PCDHA4: variants seen among roughly 807,000 people sequenced by gnomAD.
The protein encoded by PCDHA4 is protocadherin alpha-4.
A neutral mutation model predicts 61.4 loss-of-function variants in PCDHA4; 49 were observed. That is an observed-to-expected ratio of 0.80 (90% confidence interval 0.63 to 1.01). The LOEUF is 1.01. PCDHA4 is among the 50% of genes least tolerant of loss of function. The probability of loss-of-function intolerance (pLI) is 0.00; values close to 1 mark genes in which losing one functional copy is unlikely to be tolerated. For synonymous variants in PCDHA4, 590 were observed against 550.3 expected (o/e 1.07, Z -1.01); for missense variants, 1,254 against 1,235.8 (o/e 1.01, Z -0.22).
At chr5:140,835,927 G>T (rs2150248499) in intron 1 of PCDHA4, 3 of 1,612,438 alleles carry the variant, frequency 1.9e-6, no homozygotes, top group African/African-American at 1.3e-5. Context: ...GCGGAGAGCG[G>T]CAAGGTGTAC....
rs79336587 is a variant in PCDHA4 at position 140,997,550 on chromosome 5, C to T, written c.2534-12077C>T. Reference sequence around the variant, plus strand: ...ATAAAAATACATTATTATAATCTTACAGGACAACTGTCATATGTGTGGTCC... The same window carrying T: ...ATAAAAATACATTATTATAATCTTATAGGACAACTGTCATATGTGTGGTCC... On this transcript the variant is annotated intron_variant, in intron 3 of 3. Coordinates refer to ENST00000530339, the MANE Select transcript of PCDHA4 (RefSeq NM_018907.4). Among the ~76,000 whole-genome samples, 1,283 of 152,208 alleles carry T rather than the reference C, an allele frequency of 8.4e-3. 21 individuals carry two copies. The highest frequency in any genetic ancestry group is 0.029 in the African/African-American group (1,211 of 41,522).
chr5:140,836,489 C>T (rs1554135994), intron 1 of PCDHA4: 1 of 1,613,890 alleles, frequency 6.2e-7, no homozygotes, highest in Admixed American at 1.7e-5. Context: ...ACCTGATCAT[C>T]GCCATCTGCG....
At chr5:140,811,652 C>G (rs1764929730) in intron 1 of PCDHA4, 1 of 152,216 alleles carries the variant, frequency 6.6e-6, no homozygotes, top group Non-Finnish European at 1.5e-5. Context: ...CACATCCTCT[C>G]CAGCATGTGT....
chr5:140,830,177 G>A, intron 1 of PCDHA4: 2 of 1,613,644 alleles, frequency 1.2e-6, no homozygotes, highest in Non-Finnish European at 8.5e-7. Context: ...GCTGGTGGAT[G>A]TCAACGTGTA....
chr5:140,870,792 A>G (rs782032105), intron 1 of PCDHA4: 5 of 1,613,658 alleles, frequency 3.1e-6, no homozygotes, highest in East Asian at 2.2e-5. Flanking sequence ...ACGCGCCGGC[A>G]CTGCTGGCGA....
At chr5:141,003,087 G>A (rs894210434) in intron 3 of PCDHA4, among the ~76,000 whole-genome samples, 4 of 152,198 alleles carry the variant, frequency 2.6e-5, no homozygotes, top group Non-Finnish European at 5.9e-5. Flanking sequence ...AGTTTAACAG[G>A]CCTGGCATTT....
In PCDHA4 at chr5:140,910,096, C is replaced by G. The variant is rs1583731198; in HGVS notation, c.2386-68853C>G. On this transcript the variant is annotated intron_variant, in intron 1 of 3. Coordinates refer to ENST00000530339, the MANE Select transcript of PCDHA4 (RefSeq NM_018907.4). ...ATTGTTGTCAAGGGGAACCAGCCTCCCCTTCATTTAAGGGATTCTAGGTCT... is the reference window on the plus strand; with the variant it reads ...ATTGTTGTCAAGGGGAACCAGCCTCGCCTTCATTTAAGGGATTCTAGGTCT... Among the ~76,000 whole-genome samples the G allele has an allele frequency of 2.6e-5, 4 of 152,262 alleles. No individual in the cohort carries two copies. The East Asian group carries it at 7.7e-4, about 29-fold the overall frequency.
chr5:140,947,754 G>A (rs1295200380), intron 1 of PCDHA4, among the ~76,000 whole-genome samples: 2 of 151,334 alleles, frequency 1.3e-5, no homozygotes, highest in African/African-American at 2.4e-5. Flanking sequence ...TGTATTTTAT[G>A]GTTTAAAAAA....
intron 1 of PCDHA4, chr5:140,884,600 C>G: frequency 6.2e-7 from 1 of 1,614,150 alleles, no homozygotes; most frequent in African/African-American, 1.3e-5. Flanking sequence ...CAGCCTTCCT[C>G]CTTGTCTGGG....
chr5:140,871,156 G>C (rs200268029), intron 1 of PCDHA4: 2 of 1,613,446 alleles, frequency 1.2e-6, no homozygotes, highest in Non-Finnish European at 8.5e-7. Context: ...TTTGGCGGGC[G>C]CCGCGAGCCC....
Position 140,836,313 on chromosome 5 carries a change from C to T in PCDHA4, c.2385+26741C>T, listed in dbSNP as rs2150257393. 228 of 1,613,608 alleles carry T rather than the reference C, an allele frequency of 1.4e-4. 1 individual carries two copies. Among genetic ancestry groups the T allele is most frequent in the Non-Finnish European group, 1.4e-5 (16 of 1,179,840 alleles). On this transcript the variant is annotated intron_variant, in intron 1 of 3. Coordinates refer to ENST00000530339, the MANE Select transcript of PCDHA4 (RefSeq NM_018907.4). The stretch of plus-strand genomic sequence containing the variant: ...AGCCCTAGATGAGACGGACGCACCG[C>T]GCCACCGCCTTCTGGTGCTTGTGAA...
At chr5:140,894,133 A>G (rs782349927) in intron 1 of PCDHA4, among the ~76,000 whole-genome samples, 14 of 152,166 alleles carry the variant, frequency 9.2e-5, no homozygotes, top group Non-Finnish European at 1.8e-4. Flanking sequence ...ATAACTTGAA[A>G]TAATTCCCTT....
rs782239316 is a variant in PCDHA4 at position 140,877,376 on chromosome 5, G to T, written c.2385+67804G>T. 6.2e-6 allele frequency: 10 copies of T among 1,613,896 alleles called. No individual in the cohort carries two copies. The South Asian group carries it at 6.6e-5, about 11-fold the overall frequency. On this transcript the variant is annotated intron_variant, in intron 1 of 3. Transcript: ENST00000530339. The stretch of plus-strand genomic sequence containing the variant: ...TACACTGGCGAGATCAGCACGACAC[G>T]CATCCTGGATGAGGCGGACGCTCCG...
chr5:140,857,428 G>A lies in PCDHA4; in HGVS notation c.2385+47856G>A, dbSNP rs782142394. On this transcript the variant is annotated intron_variant, in intron 1 of 3. Coordinates refer to ENST00000530339, the MANE Select transcript of PCDHA4 (RefSeq NM_018907.4). ...CTGCGTTCGCGCAGTCCGAGTACACGGTGTTCGTGAAGGAGAACAACCCGC... is the reference window on the plus strand; with the variant it reads ...CTGCGTTCGCGCAGTCCGAGTACACAGTGTTCGTGAAGGAGAACAACCCGC... The A allele has an allele frequency of 3.8e-6, 6 of 1,598,456 alleles. 1 individual carries two copies. Among genetic ancestry groups the A allele is most frequent in the Non-Finnish European group, 5.1e-6 (6 of 1,167,860 alleles).
chr5:140,910,200 A>C (rs1471024317), intron 1 of PCDHA4, among the ~76,000 whole-genome samples: 1 of 152,200 alleles, frequency 6.6e-6, no homozygotes, highest in East Asian at 1.9e-4. Flanking sequence ...TCTTTTGTCC[A>C]CTTGACCTGG....
At chr5:140,853,588 A>G in intron 1 of PCDHA4, 1 of 986,058 alleles carries the variant, frequency 1.0e-6, no homozygotes, top group Non-Finnish European at 1.2e-6. Context: ...TATCTTAGAC[A>G]CTTTGAGAGC....
chr5:140,892,763 C>G (rs1365366300), intron 1 of PCDHA4, among the ~76,000 whole-genome samples: 12 of 152,298 alleles, frequency 7.9e-5, no homozygotes, highest in Middle Eastern at 3.4e-3. Context: ...TTAAAATCCA[C>G]TCTTCTAGCT....
At chr5:140,960,903 G>C (rs560284839) in intron 1 of PCDHA4, among the ~76,000 whole-genome samples, 3 of 152,308 alleles carry the variant, frequency 2.0e-5, no homozygotes, top group African/African-American at 7.2e-5. Context: ...GGCATATCTT[G>C]AGTTTCAGAT....
At chr5:140,875,478 G>A (rs2055526738) in intron 1 of PCDHA4, 1 of 1,610,404 alleles carries the variant, frequency 6.2e-7, no homozygotes, top group Admixed American at 1.7e-5. Flanking sequence ...CTGCAATGGT[G>A]ATTATCGGAC....
Sources: gnomAD v4.1 joint callset for allele counts (sites outside exome capture counted in the v4.1 genomes callset) on GRCh38, gnomAD v4.1.1 for gene constraint, MANE v1.5 for transcripts, NCBI Gene and HGNC (gene_info 2026-07-23, HGNC 2026-07-21) for gene names.